The following SLC4A8 variants were observed in gnomAD, a reference collection of about 807,000 sequenced individuals.
The protein encoded by SLC4A8 is electroneutral sodium bicarbonate exchanger 1.
A neutral mutation model predicts 125.0 loss-of-function variants in SLC4A8; 40 were observed. The observed-to-expected ratio is 0.32, with a 90% confidence interval of 0.25 to 0.42. The LOEUF (loss-of-function observed/expected upper bound fraction) is 0.42. Among genes scored for constraint, SLC4A8 ranks in the 10% least tolerant of loss-of-function variants. The pLI is 1.00. For missense variants in SLC4A8, 863 were observed against 1,355.1 expected (o/e 0.64, Z 5.70); for synonymous variants, 456 against 476.0 (o/e 0.96, Z 0.55).
intron 1 of SLC4A8, among the ~76,000 whole-genome samples, chr12:51,435,947 A>G (rs1949394480): frequency 6.6e-6 from 1 of 152,218 alleles, no homozygotes; most frequent in Non-Finnish European, 1.5e-5. Flanking sequence ...TAATGTAGGT[A>G]CTAATTATAC....
chr12:51,424,896 C>T lies in SLC4A8; in HGVS notation c.-92C>T. 3 of 1,362,770 alleles carry T rather than the reference C, an allele frequency of 2.2e-6. No homozygotes were observed. The highest frequency in any genetic ancestry group is 1.3e-5 in the South Asian group (1 of 78,834). 84.4% of individuals were successfully genotyped at this position (1,362,770 alleles called of 1,614,324 possible). Reference sequence around the variant, plus strand: ...ACCGTTGGCTCCGGGGTGGGGGTCGCCGTTCGAGTGATCTGCTCAGACCCG... The same window carrying T: ...ACCGTTGGCTCCGGGGTGGGGGTCGTCGTTCGAGTGATCTGCTCAGACCCG... On this transcript the variant is annotated 5_prime_UTR_variant, in exon 1 of 25. Coordinates refer to ENST00000453097, the MANE Select transcript of SLC4A8 (RefSeq NM_001039960.3).
rs759504328 is a variant in SLC4A8 at position 51,415,822 on chromosome 12, CAG to C, written c.-112+24335_-112+24336del. 2.0e-5 allele frequency among the ~76,000 whole-genome samples: 3 copies of C among 147,160 alleles called. No homozygotes were observed. The East Asian group carries it at 5.9e-4, about 29-fold the overall frequency. Reference sequence around the variant, plus strand: ...TTTACCTATCAGGTACAGTGTTCACCAGTTGGGTAATGGGCCTACTAGATGCC... The same window carrying C: ...TTTACCTATCAGGTACAGTGTTCACCTTGGGTAATGGGCCTACTAGATGCC... On this transcript the variant is annotated intron_variant, in intron 1 of 24. Transcript: ENST00000358657.
intron 16 of SLC4A8, chr12:51,480,739 A>T: frequency 9.1e-6 from 4 of 437,846 alleles, no homozygotes; most frequent in Non-Finnish European, 1.2e-5. Flanking sequence ...TGGAAGAATC[A>T]TGTTCAAATG....
At chr12:51,451,094 G>A (rs1033681212) in intron 3 of SLC4A8, 72 bp downstream of exon 3, 9 of 1,237,436 alleles carry the variant, frequency 7.3e-6, no homozygotes, top group Admixed American at 7.1e-5. Flanking sequence ...ACATGTGACT[G>A]ACATTAGCAG....
At chr12:51,428,342 C>G (rs1949070902) in intron 1 of SLC4A8, among the ~76,000 whole-genome samples, 1 of 152,174 alleles carries the variant, frequency 6.6e-6, no homozygotes, top group African/African-American at 2.4e-5. Context: ...AGAAAATCTT[C>G]TCACCTAGCA....
intron 1 of SLC4A8, among the ~76,000 whole-genome samples, chr12:51,426,365 A>T (rs1948978898): frequency 6.6e-6 from 1 of 152,206 alleles, no homozygotes; most frequent in Non-Finnish European, 1.5e-5. Flanking sequence ...AAAATAGGCA[A>T]TGTTCTTGCC....
At chr12:51,414,140 T>C (rs2359604) in intron 1 of SLC4A8, among the ~76,000 whole-genome samples, 63,514 of 151,340 alleles carry the variant, frequency 0.42, 13,448 homozygotes, top group Admixed American at 0.45. Context: ...TCTTACCTCC[T>C]TGGTTAAATT....
chr12:51,462,284 T>C, intron 9 of SLC4A8, 26 bp from the exon 10 acceptor site: 2 of 1,611,204 alleles, frequency 1.2e-6, no homozygotes, highest in Non-Finnish European at 1.7e-6. Flanking sequence ...CTTTTAACTT[T>C]CCTGAGGGTT....
rs953256513 is a variant in SLC4A8, at chr12:51,513,362, TG to T, written c.*5928del. 3.3e-5 allele frequency: 5 copies of T among 152,216 alleles called. No individual in the cohort carries two copies. Among genetic ancestry groups the T allele is most frequent in the African/African-American group, 1.2e-4 (5 of 41,456 alleles). 9.4% of individuals were successfully genotyped at this position (152,216 alleles called of 1,614,324 possible). ...CTCTTTATGTGTAGAGACCTGGATT[TG>T]GGGTAGTGGGGTAGTAAACCATATA... On this transcript the variant is annotated 3_prime_UTR_variant, in exon 25 of 25. Transcript: ENST00000453097.
At chr12:51,411,848 G>A (rs1427985260) in intron 1 of SLC4A8, among the ~76,000 whole-genome samples, 1 of 152,134 alleles carries the variant, frequency 6.6e-6, no homozygotes, top group African/African-American at 2.4e-5. Flanking sequence ...GCTTTAGGAG[G>A]CCAAAGCCGG....
At chr12:51,488,954 A>T in intron 18 of SLC4A8, 94 bp downstream of exon 18, 1 of 911,884 alleles carries the variant, frequency 1.1e-6, no homozygotes, top group South Asian at 1.7e-5. Flanking sequence ...GAAATTGTAG[A>T]ATCTCATAGA....
At chr12:51,477,851 A>G (rs148182141) in intron 16 of SLC4A8, among the ~76,000 whole-genome samples, 271 of 152,322 alleles carry the variant, frequency 1.8e-3, no homozygotes, top group African/African-American at 6.3e-3. Flanking sequence ...AGATATGGCC[A>G]GGCATGGTGG....
At chr12:51,425,936 A>G (rs1948958206) in intron 1 of SLC4A8, among the ~76,000 whole-genome samples, 1 of 152,192 alleles carries the variant, frequency 6.6e-6, no homozygotes, top group Non-Finnish European at 1.5e-5. Flanking sequence ...ACACTCAGTG[A>G]ATGAGTGGCA....
intron 2 of SLC4A8, 106 bp from the exon 3 acceptor site, chr12:51,450,770 C>G (rs184253745): frequency 8.0e-7 from 1 of 1,247,312 alleles, no homozygotes; most frequent in East Asian, 2.5e-5. Flanking sequence ...TGTGACCAGA[C>G]CAAAGAACTG....
upstream of SLC4A8, among the ~76,000 whole-genome samples, chr12:51,423,879 C>CA (rs1565761860): frequency 6.6e-6 from 1 of 151,430 alleles, no homozygotes; most frequent in South Asian, 2.1e-4. Context: ...ACTACAAATA[C>CA]AAAAAAATCA....
At chr12:51,408,756 T>A (rs140785590) in intron 1 of SLC4A8, among the ~76,000 whole-genome samples, 11 of 151,926 alleles carry the variant, frequency 7.2e-5, no homozygotes, top group African/African-American at 2.7e-4. Context: ...AAGGGTGGAG[T>A]GGAGTCCCTG....
intron 1 of SLC4A8, among the ~76,000 whole-genome samples, chr12:51,436,457 T>A (rs150006619): frequency 1.3e-5 from 2 of 152,186 alleles, no homozygotes; most frequent in African/African-American, 2.4e-5. Context: ...TACTTTAAAA[T>A]TTTTAATTTT....
At position 51,485,813 on chromosome 12, in the gene SLC4A8, T is replaced by C; in HGVS notation, c.2199T>C (p.Ala733=). Reference sequence around the variant, plus strand: ...TACGCTCCATGGTGAGTGACTTTGCTGTTTTCCTCACTATCTTCACAATGG... The same window carrying C: ...TACGCTCCATGGTGAGTGACTTTGCCGTTTTCCTCACTATCTTCACAATGG... ...TRVRSMVSDF[A]VFLTIFTMVI... The change falls in exon 17 of 25, where the codon GCT becomes GCC. Residue 733 remains alanine (A), a synonymous_variant. Transcript: ENST00000453097. 1 of 1,612,830 alleles carries C rather than the reference T, an allele frequency of 6.2e-7. No homozygotes were observed. Among genetic ancestry groups the C allele is most frequent in the South Asian group, 1.1e-5 (1 of 91,040 alleles).
chr12:51,440,842 G>C, intron 2 of SLC4A8, 53 bp downstream of exon 2: 2 of 1,439,226 alleles, frequency 1.4e-6, no homozygotes, highest in Non-Finnish European at 1.9e-6. Context: ...GCAGCCTGGT[G>C]TGGGAAGACC....
Sources: allele counts gnomAD v4.1 joint callset (sites outside exome capture counted in the v4.1 genomes callset), GRCh38; gene constraint gnomAD v4.1.1; transcripts MANE v1.5; gene names NCBI Gene and HGNC (gene_info 2026-07-23, HGNC 2026-07-21).